ARK2C: variants seen among roughly 807,000 people sequenced by gnomAD.
The protein encoded by ARK2C is arkadia (RNF111) C-terminal like ring finger ubiquitin ligase 2C.
chr18:46,368,017 C>T, the ARK2C span, among the ~76,000 whole-genome samples: 1 of 152,220 alleles, frequency 6.6e-6, no homozygotes, highest in African/African-American at 2.4e-5. Flanking sequence ...GCTTGTTAAA[C>T]ATGCAGATTC....
At chr18:46,377,463 G>A in the ARK2C span, among the ~76,000 whole-genome samples, 20 of 152,172 alleles carry the variant, frequency 1.3e-4, no homozygotes, top group African/African-American at 4.8e-4. Context: ...AGAACCCACA[G>A]GAAGGTGCTT....
chr18:46,456,457 C>T, the ARK2C span: 76 of 1,226,856 alleles, frequency 6.2e-5, no homozygotes, highest in Non-Finnish European at 9.0e-5. Flanking sequence ...GGTGTGTGTC[C>T]CTGCTCCGCT....
chr18:46,347,439 C>T, the ARK2C span, among the ~76,000 whole-genome samples: 10 of 152,116 alleles, frequency 6.6e-5, no homozygotes, highest in Admixed American at 1.3e-4. Context: ...AATGGGTCAT[C>T]GTGCCGCCCC....
the ARK2C span, among the ~76,000 whole-genome samples, chr18:46,424,799 C>A: frequency 1.3e-5 from 2 of 152,160 alleles, no homozygotes; most frequent in Admixed American, 1.3e-4. Flanking sequence ...AGTGCCCTGG[C>A]CTTTGGGACA....
chr18:46,443,540 G>A, the ARK2C span, among the ~76,000 whole-genome samples: 3 of 152,134 alleles, frequency 2.0e-5, no homozygotes, highest in Non-Finnish European at 4.4e-5. Context: ...TTAAACCAGT[G>A]GTTGGCAAAT....
chr18:46,387,820 A>C, the ARK2C span, among the ~76,000 whole-genome samples: 2 of 152,236 alleles, frequency 1.3e-5, no homozygotes, highest in African/African-American at 4.8e-5. Flanking sequence ...CTTGAAGCAG[A>C]AGCTGACCTT....
chr18:46,418,281 C>A, the ARK2C span, among the ~76,000 whole-genome samples: 1 of 151,972 alleles, frequency 6.6e-6, no homozygotes, highest in Non-Finnish European at 1.5e-5. Context: ...CGCTTGAGCC[C>A]AGGAGACAGA....
chr18:46,341,966 G>A, the ARK2C span, among the ~76,000 whole-genome samples: 205 of 152,328 alleles, frequency 1.3e-3, no homozygotes, highest in Non-Finnish European at 2.3e-3. Flanking sequence ...GAGGGAGCCC[G>A]ACCCAGTAGC....
chr18:46,390,650 C>A, the ARK2C span, among the ~76,000 whole-genome samples: 1 of 152,150 alleles, frequency 6.6e-6, no homozygotes, highest in Admixed American at 6.5e-5. Context: ...GACAGTTAGT[C>A]CATCAGCCCC....
At chr18:46,349,426 C>G in the ARK2C span, among the ~76,000 whole-genome samples, 5 of 152,176 alleles carry the variant, frequency 3.3e-5, no homozygotes, top group African/African-American at 1.2e-4. Context: ...CTCTTGGAAT[C>G]GAATCACTTC....
At chr18:46,363,226 C>T in the ARK2C span, among the ~76,000 whole-genome samples, 12 of 152,182 alleles carry the variant, frequency 7.9e-5, no homozygotes, top group Non-Finnish European at 1.6e-4. Flanking sequence ...AAGAACATCC[C>T]TCCTTCTCTG....
the ARK2C span, among the ~76,000 whole-genome samples, chr18:46,441,861 C>CAAAAA: frequency 8.1e-4 from 99 of 122,084 alleles, 1 homozygote; most frequent in African/African-American, 2.9e-3. Context: ...GACTCCATCT[C>CAAAAA]AAAAAAAAAA....
the ARK2C span, among the ~76,000 whole-genome samples, chr18:46,419,822 A>G: frequency 2.0e-5 from 3 of 152,048 alleles, no homozygotes; most frequent in African/African-American, 4.8e-5. Flanking sequence ...TGCCTTTCCC[A>G]GGCATCTCCT....
the ARK2C span, among the ~76,000 whole-genome samples, chr18:46,350,857 G>A: frequency 2.6e-5 from 4 of 152,244 alleles, no homozygotes; most frequent in African/African-American, 7.2e-5. Context: ...TTAATTTGAC[G>A]ATAGCTGTTT....
chr18:46,343,409 T>C, the ARK2C span, among the ~76,000 whole-genome samples: 100 of 152,386 alleles, frequency 6.6e-4, no homozygotes, highest in African/African-American at 2.3e-3. Flanking sequence ...GCACATCTTA[T>C]GGCTTGTGCC....
chr18:46,428,333 T>C, the ARK2C span, among the ~76,000 whole-genome samples: 4 of 152,138 alleles, frequency 2.6e-5, no homozygotes, highest in Non-Finnish European at 5.9e-5. Flanking sequence ...GGCTTGAACC[T>C]GGGAGGTGGA....
At chr18:46,461,286 A>C in the ARK2C span, 1 of 152,210 alleles carries the variant, frequency 6.6e-6, no homozygotes, top group Non-Finnish European at 1.5e-5. Flanking sequence ...ATTCAAGTAG[A>C]ATGTGACACA....
At chr18:46,422,747 C>T in the ARK2C span, among the ~76,000 whole-genome samples, 6 of 152,220 alleles carry the variant, frequency 3.9e-5, no homozygotes, top group Non-Finnish European at 7.3e-5. Flanking sequence ...CCTGGAAGTA[C>T]TCCAGGTCAC....
At chr18:46,361,041 C>T in the ARK2C span, among the ~76,000 whole-genome samples, 1 of 152,234 alleles carries the variant, frequency 6.6e-6, no homozygotes, top group Non-Finnish European at 1.5e-5. Flanking sequence ...CTCCAGCTAA[C>T]CTCTCAGTGA....
Sources: gnomAD v4.1 joint callset for allele counts (sites outside exome capture counted in the v4.1 genomes callset) on GRCh38, gnomAD v4.1.1 for gene constraint, MANE v1.5 for transcripts, NCBI Gene and HGNC (gene_info 2026-07-23, HGNC 2026-07-21) for gene names.